Variants in MED27 observed in about 807,000 individuals in gnomAD.
MED27 encodes the protein mediator complex subunit 27.
In MED27, 30 loss-of-function variants were observed where a neutral mutation model predicts 38.2. The observed-to-expected ratio is 0.79, with a 90% confidence interval of 0.59 to 1.07. The LOEUF is 1.07. Ranked by LOEUF, MED27 falls within the 50% of genes least tolerant of loss-of-function variation. The probability of loss-of-function intolerance (pLI) is 0.00; values close to 1 mark genes in which losing one functional copy is unlikely to be tolerated. For synonymous variants in MED27, 122 were observed against 153.5 expected, an observed-to-expected ratio of 0.79 and a Z score of 1.52; for missense variants, 289 against 397.5, an observed-to-expected ratio of 0.73 and a Z score of 2.32.
intron 4 of MED27, among the ~76,000 whole-genome samples, chr9:131,931,103 G>C (rs1589218618): frequency 6.6e-6 from 1 of 152,048 alleles, no homozygotes; most frequent in African/African-American, 2.4e-5. Flanking sequence ...AACTTAGCTG[G>C]GTGTGGTGGT....
chr9:132,033,911 A>G (rs1412262562), intron 2 of MED27, among the ~76,000 whole-genome samples: 1 of 152,188 alleles, frequency 6.6e-6, no homozygotes, highest in East Asian at 1.9e-4. Flanking sequence ...CCCTTCTTTA[A>G]AAATTTTATA....
chr9:131,901,254 G>A (rs1829942151), intron 4 of MED27, among the ~76,000 whole-genome samples: 1 of 152,218 alleles, frequency 6.6e-6, no homozygotes, highest in Non-Finnish European at 1.5e-5. Context: ...AGGTAAGTGA[G>A]TGCAGTGAAC....
At chr9:132,032,890 T>G (rs1222208179) in intron 2 of MED27, among the ~76,000 whole-genome samples, 3 of 152,182 alleles carry the variant, frequency 2.0e-5, no homozygotes, top group Non-Finnish European at 4.4e-5. Context: ...CTATAATAAA[T>G]TGTCTGAGTG....
chr9:132,079,806 G>A lies in MED27; in HGVS notation c.39C>T (p.Ala13=). 2 of 1,612,312 alleles carry A rather than the reference G, an allele frequency of 1.2e-6. No individual in the cohort carries two copies. Among genetic ancestry groups the A allele is most frequent in the South Asian group, 1.1e-5 (1 of 90,870 alleles). Residue 13 remains alanine (A), a synonymous_variant, in exon 1 of 8, where the codon GCC becomes GCT. Coordinates refer to ENST00000292035, the MANE Select transcript of MED27 (RefSeq NM_004269.4). ...GGATGGCACTAATGGCCTGGGAAAA[G>A]GCCTCCAGGTTCACACTGACATTTA... ...DVINVSVNLE[A]FSQAISAIQA...
chr9:131,866,982 C>T (rs1025616330), intron 6 of MED27, among the ~76,000 whole-genome samples: 4 of 152,186 alleles, frequency 2.6e-5, no homozygotes, highest in East Asian at 1.9e-4. Flanking sequence ...CTCTCCTTCG[C>T]GTGTTGAGGG....
chr9:132,025,801 C>T (rs1832804637), intron 2 of MED27, among the ~76,000 whole-genome samples: 1 of 152,120 alleles, frequency 6.6e-6, no homozygotes, highest in Non-Finnish European at 1.5e-5. Context: ...AAGTGGCTGG[C>T]ACAAAGCACA....
chr9:131,915,956 C>T (rs1830279691), intron 4 of MED27, among the ~76,000 whole-genome samples: 1 of 152,188 alleles, frequency 6.6e-6, no homozygotes, highest in Non-Finnish European at 1.5e-5. Flanking sequence ...GACTACTATT[C>T]CTGTAACTAC....
chr9:131,973,992 C>T (rs991304811), intron 3 of MED27, among the ~76,000 whole-genome samples: 2 of 151,968 alleles, frequency 1.3e-5, no homozygotes, highest in Admixed American at 1.3e-4. Flanking sequence ...GGATTACAGG[C>T]GTGAGCCACC....
At position 131,861,425 on chromosome 9, in the gene MED27, T is replaced by G. The variant is rs1355919497; in HGVS notation, c.802-753A>C. Among the ~76,000 whole-genome samples, 2 of 152,224 alleles carry G rather than the reference T, an allele frequency of 1.3e-5. No homozygotes were observed. Among genetic ancestry groups the G allele is most frequent in the Non-Finnish European group, 1.5e-5 (1 of 68,032 alleles). On this transcript the variant is annotated intron_variant, in intron 7 of 7. Transcript: ENST00000292035. This position sits in a 1 kb window ranked among gnomAD's most constrained non-coding sequence, Gnocchi z 4.4. ...AGGGCACGTGAATCTTGTCATTTAA[T>G]GTCCTCCTGAATTAAGAGAAAACTG...
intron 2 of MED27, among the ~76,000 whole-genome samples, chr9:132,020,369 C>T (rs1035577927): frequency 6.6e-6 from 1 of 152,180 alleles, no homozygotes; most frequent in East Asian, 1.9e-4. Context: ...AAGCCCACAG[C>T]CACAACCTAA....
chr9:131,938,381 T>C (rs1441302425), intron 4 of MED27, among the ~76,000 whole-genome samples: 1 of 152,230 alleles, frequency 6.6e-6, no homozygotes, highest in Non-Finnish European at 1.5e-5. Context: ...TTTTATAAAA[T>C]GTGGTGGTTC....
chr9:131,919,920 C>G (rs927094091), intron 4 of MED27, among the ~76,000 whole-genome samples: 2 of 151,840 alleles, frequency 1.3e-5, no homozygotes, highest in Admixed American at 1.3e-4. Context: ...GTGATCCTCC[C>G]ATCTTAGCCT....
chr9:131,971,227 A>C (rs1321309077), intron 3 of MED27, among the ~76,000 whole-genome samples: 1 of 152,222 alleles, frequency 6.6e-6, no homozygotes, highest in Non-Finnish European at 1.5e-5. Context: ...ATAATGAAAA[A>C]GCATGCTGGG....
At chr9:132,015,500 T>C (rs377140603) in intron 2 of MED27, among the ~76,000 whole-genome samples, 4 of 152,316 alleles carry the variant, frequency 2.6e-5, no homozygotes, top group East Asian at 1.9e-4. Context: ...AAATATAATA[T>C]GCACATTTAA....
chr9:131,936,702 C>T (rs1249124567), intron 4 of MED27, among the ~76,000 whole-genome samples: 1 of 152,216 alleles, frequency 6.6e-6, no homozygotes, highest in Non-Finnish European at 1.5e-5. Flanking sequence ...TTTTGTCCTG[C>T]CGGGCAGGTC....
intron 3 of MED27, among the ~76,000 whole-genome samples, chr9:131,990,898 A>G (rs1308221290): frequency 6.6e-6 from 1 of 152,232 alleles, no homozygotes; most frequent in African/African-American, 2.4e-5. Flanking sequence ...TCAGATATGC[A>G]ACGGGAAATC....
Position 132,003,843 on chromosome 9 carries a change from T to A in MED27, c.479+10494A>T, listed in dbSNP as rs975540235. On this transcript the variant is annotated intron_variant, in intron 3 of 7. Transcript: ENST00000292035. The surrounding 1 kb of genome is among the most constrained non-coding windows in gnomAD (Gnocchi z 4.2). Reference sequence around the variant, plus strand: ...GTTTAAGGGTACCTCAAACTTGACATGCTTCAAATGAAACCCATTAATTTT... The same window carrying A: ...GTTTAAGGGTACCTCAAACTTGACAAGCTTCAAATGAAACCCATTAATTTT... Among the ~76,000 whole-genome samples, 3 of 152,196 alleles carry A rather than the reference T, an allele frequency of 2.0e-5. No homozygotes were observed. The highest frequency in any genetic ancestry group is 4.8e-5 in the African/African-American group (2 of 41,440).
chr9:132,000,180 A>G (rs1832191907), intron 3 of MED27, among the ~76,000 whole-genome samples: 1 of 151,566 alleles, frequency 6.6e-6, no homozygotes, highest in African/African-American at 2.4e-5. Context: ...ATTTCCCTTC[A>G]TGGAAAAAAA....
intron 2 of MED27, among the ~76,000 whole-genome samples, chr9:132,059,255 C>G (rs1833648532): frequency 1.3e-5 from 2 of 152,210 alleles, no homozygotes; most frequent in Admixed American, 1.3e-4. Flanking sequence ...AGTCTGGTAT[C>G]TCAGAGAGGG....
Sources: gnomAD v4.1 joint callset for allele counts (sites outside exome capture counted in the v4.1 genomes callset) on GRCh38, gnomAD v4.1.1 for gene constraint, Gnocchi (gnomAD v3.1) non-coding constraint, MANE v1.5 for transcripts, NCBI Gene and HGNC (gene_info 2026-07-23, HGNC 2026-07-21) for gene names.